Variants in IGDCC3 observed in about 807,000 individuals in gnomAD.
IGDCC3 encodes the protein immunoglobulin superfamily DCC subclass member 3.
A neutral mutation model predicts 72.0 loss-of-function variants in IGDCC3; 47 were observed. The observed-to-expected ratio is 0.65, with a 90% CI of 0.52 to 0.83. IGDCC3 has a LOEUF of 0.83. IGDCC3 is among the 40% of genes least tolerant of loss of function. The pLI is 0.00. For missense variants in IGDCC3, 1,038 were observed against 1,091.3 expected (o/e 0.95, Z 0.69); for synonymous variants, 477 against 472.8 (o/e 1.01, Z -0.11).
At chr15:65,335,156 C>G (rs2091015796) in intron 4 of IGDCC3, 135 bp downstream of exon 4, 3 of 983,206 alleles carry the variant, frequency 3.1e-6, no homozygotes. Flanking sequence ...TCACGCCAGG[C>G]AGCACAGAGC....
Position 65,331,458 on chromosome 15 carries a change from G to T in IGDCC3, c.1350C>A (p.Asn450Lys), listed in dbSNP as rs746230603. 14 of 1,612,976 alleles carry T rather than the reference G, an allele frequency of 8.7e-6. No homozygotes were observed. In the East Asian group the frequency reaches 1.6e-4, roughly 18 times the overall value. Residue 450 changes from asparagine to lysine, a missense_variant, in exon 8 of 14, where the codon AAC becomes AAA. Transcript: ENST00000327987. ...VRVSWSEPLA[N>K]TKEIIGYVLH... ...GGACGTAGCCGATGATCTCCTTGGT[G>T]TTGGCCAGCGGCTCACTCCAGGACA...
rs867287409 is a variant in IGDCC3 at position 65,339,490 on chromosome 15, C to T, written c.410-3534G>A. Reference sequence around the variant, plus strand: ...AGGGATGTTGAGGCCATTTCGGCCCCCTCTAGTTTCTCAGGGTGGAACATG... The same window carrying T: ...AGGGATGTTGAGGCCATTTCGGCCCTCTCTAGTTTCTCAGGGTGGAACATG... On this transcript the variant is annotated intron_variant, in intron 2 of 13. Coordinates refer to ENST00000327987, the MANE Select transcript of IGDCC3 (RefSeq NM_004884.4). This position sits in a 1 kb window ranked among gnomAD's most constrained non-coding sequence, Gnocchi z 4.1. Among the ~76,000 whole-genome samples, 7 of 152,206 alleles carry T rather than the reference C, an allele frequency of 4.6e-5. No homozygotes were observed. The highest frequency in any genetic ancestry group is 1.0e-4 in the Non-Finnish European group (7 of 68,040).
intron 1 of IGDCC3, among the ~76,000 whole-genome samples, chr15:65,376,802 A>T (rs893583138): frequency 5.9e-5 from 9 of 152,028 alleles, no homozygotes; most frequent in Non-Finnish European, 1.3e-4. Context: ...TTGGGAGAGG[A>T]GTGGAGAGAG....
At chr15:65,331,285 G>A (rs899372912) in intron 8 of IGDCC3, 71 bp from the exon 9 acceptor site, 10 of 1,583,738 alleles carry the variant, frequency 6.3e-6, no homozygotes, top group Non-Finnish European at 8.6e-6. Context: ...GTGAAATGAG[G>A]GCAGCCAGGG....
chr15:65,374,321 A>G (rs6494518), intron 2 of IGDCC3, among the ~76,000 whole-genome samples: 18,954 of 152,078 alleles, frequency 0.12, 1,364 homozygotes, highest in African/African-American at 0.18. Flanking sequence ...CCTGGGATAC[A>G]TGGAGAATTT....
intron 2 of IGDCC3, among the ~76,000 whole-genome samples, chr15:65,343,862 C>T (rs1042474101): frequency 1.3e-5 from 2 of 152,170 alleles, no homozygotes; most frequent in Non-Finnish European, 2.9e-5. Flanking sequence ...ACCCTGAATC[C>T]GGGAGAGGCT....
intron 2 of IGDCC3, among the ~76,000 whole-genome samples, chr15:65,372,890 G>A (rs2091335584): frequency 6.6e-6 from 1 of 152,156 alleles, no homozygotes; most frequent in South Asian, 2.1e-4. Context: ...CCGTTGCTTG[G>A]CATCTGAGCA....
intron 2 of IGDCC3, among the ~76,000 whole-genome samples, chr15:65,360,582 C>T (rs2091253971): frequency 6.6e-6 from 1 of 152,096 alleles, no homozygotes; most frequent in African/African-American, 2.4e-5. Context: ...AGAGGCAAAA[C>T]AAAAATAACC....
At chr15:65,373,445 T>C (rs537694663) in intron 2 of IGDCC3, 1 of 152,434 alleles carries the variant, frequency 6.6e-6, no homozygotes, top group Non-Finnish European at 1.5e-5. Context: ...GAACTCCATA[T>C]GGGGGCCTGG....
At chr15:65,337,705 A>C (rs1198916624) in intron 2 of IGDCC3, among the ~76,000 whole-genome samples, 1 of 151,986 alleles carries the variant, frequency 6.6e-6, no homozygotes, top group East Asian at 1.9e-4. Flanking sequence ...CTAGCCCTCC[A>C]CCTCCAGGAA....
intron 4 of IGDCC3, 77 bp from the exon 5 acceptor site, chr15:65,334,942 A>T (rs748386621): frequency 4.0e-5 from 59 of 1,476,516 alleles, no homozygotes; most frequent in Non-Finnish European, 4.6e-5. Context: ...AGCCCAGGAC[A>T]CAGCGGGTGG....
At chr15:65,336,245 GGGACTTCTCTTGGA>G (rs1031311202) in intron 2 of IGDCC3, among the ~76,000 whole-genome samples, 9 of 152,108 alleles carry the variant, frequency 5.9e-5, no homozygotes, top group African/African-American at 2.2e-4. Flanking sequence ...CTGCACTGTT[GGGACTTCTCTTGGA>G]GGCCTTGGTC....
In IGDCC3 at chr15:65,332,083, G is replaced by T; in HGVS notation, c.1006C>A (p.Pro336Thr). 6.2e-7 allele frequency: 1 copy of T among 1,613,870 alleles called. No individual in the cohort carries two copies. The highest frequency in any genetic ancestry group is 8.5e-7 in the Non-Finnish European group (1 of 1,179,936). Residue 336 changes from proline to threonine, a missense_variant, in exon 7 of 14, where the codon CCC becomes ACC. Physicochemically the swap from Pro to Thr is conservative, Grantham distance 38. Coordinates refer to ENST00000327987, the MANE Select transcript of IGDCC3 (RefSeq NM_004884.4). ...CCAGCTGGCCTGGAGATGGACTGGGGATGCTGCACAAACTCAGCTGGGGCT... is the reference window on the plus strand; with the variant it reads ...CCAGCTGGCCTGGAGATGGACTGGGTATGCTGCACAAACTCAGCTGGGGCT... ...VQAPAEFVQH[P>T]QSISRPAGTT...
intron 5 of IGDCC3, among the ~76,000 whole-genome samples, 199 bp from the exon 6 acceptor site, chr15:65,333,614 G>A (rs1036658375): frequency 6.6e-6 from 1 of 152,142 alleles, no homozygotes; most frequent in Non-Finnish European, 1.5e-5. Flanking sequence ...GCCTAGCAGC[G>A]GAGACCCTGT....
chr15:65,333,332 C>CA lies in IGDCC3; in HGVS notation c.906dup (p.Gly303TrpfsTer29). 1 of 1,613,328 alleles carries CA rather than the reference C, an allele frequency of 6.2e-7. No individual in the cohort carries two copies. Among genetic ancestry groups the CA allele is most frequent in the Non-Finnish European group, 8.5e-7 (1 of 1,179,694 alleles). On this transcript the variant is annotated frameshift_variant, in exon 6 of 14. Coordinates refer to ENST00000327987, the MANE Select transcript of IGDCC3 (RefSeq NM_004884.4). LOFTEE classifies it high-confidence loss of function. The stretch of plus-strand genomic sequence containing the variant: ...CTGTTGGCTGCACAGACGTAGACGC[C>CA]AGAGTGCTGGACCGTCACGTCTGAG...
At chr15:65,358,164 G>A (rs536094373) in intron 2 of IGDCC3, among the ~76,000 whole-genome samples, 1 of 151,130 alleles carries the variant, frequency 6.6e-6, no homozygotes, top group Non-Finnish European at 1.5e-5. Flanking sequence ...GGAGTACGGT[G>A]GCGTGATTTC....
At chr15:65,360,223 C>G (rs980360006) in intron 2 of IGDCC3, among the ~76,000 whole-genome samples, 3 of 152,306 alleles carry the variant, frequency 2.0e-5, no homozygotes, top group African/African-American at 7.2e-5. Context: ...CACTTTATTT[C>G]AGGAAAGCCT....
At chr15:65,363,913 G>C (rs1022415638) in intron 2 of IGDCC3, among the ~76,000 whole-genome samples, 1 of 152,094 alleles carries the variant, frequency 6.6e-6, no homozygotes, top group Non-Finnish European at 1.5e-5. Context: ...CTTCACTCAG[G>C]AACCCATTCC....
chr15:65,348,305 C>T (rs1264022093), intron 2 of IGDCC3, among the ~76,000 whole-genome samples: 1 of 152,144 alleles, frequency 6.6e-6, no homozygotes, highest in East Asian at 1.9e-4. Context: ...GCAGACTCGC[C>T]CTGAATTCTT....
Sources: allele counts gnomAD v4.1 joint callset (sites outside exome capture counted in the v4.1 genomes callset), GRCh38; gene constraint gnomAD v4.1.1; non-coding constraint Gnocchi (gnomAD v3.1); transcripts MANE v1.5; gene names NCBI Gene and HGNC (gene_info 2026-07-23, HGNC 2026-07-21).